C4orf50: variants seen among roughly 807,000 people sequenced by gnomAD.
C4orf50 encodes chromosome 4 open reading frame 50.
Under a neutral mutation model 77.2 loss-of-function variants are expected in C4orf50, and 80 were observed. The ratio of observed to expected loss-of-function variants is 1.04; its 90% confidence interval spans 0.87 to 1.25. The LOEUF is 1.25. Ranked by LOEUF, C4orf50 falls within the 50% of genes most tolerant of loss-of-function variation. The pLI is 0.00. For missense variants in C4orf50, 1,257 were observed against 1,152.9 expected (o/e 1.09, Z -1.31); for synonymous variants, 532 against 465.3 (o/e 1.14, Z -1.84).
rs535031125 is a variant in C4orf50, at chr4:5,999,829, A to G, written c.964-5353T>C. Among the ~76,000 whole-genome samples the G allele has an allele frequency of 5.9e-5, 9 of 152,258 alleles. No homozygotes were observed. The East Asian group carries it at 1.7e-3, about 29-fold the overall frequency. On this transcript the variant is annotated intron_variant, in intron 25 of 33. Coordinates refer to ENST00000531445, the Ensembl canonical transcript of C4orf50. ...AGAGAAAGCAACATTCCCAACAAAT[A>G]AAGAGAAAGTAGCAAGGCTTTCCAA...
chr4:5,965,617 A>AT (rs1264917186), intron 32 of C4orf50, among the ~76,000 whole-genome samples: 2 of 152,198 alleles, frequency 1.3e-5, no homozygotes. Context: ...CAGAGAGAAA[A>AT]TTAGTGACAG....
At chr4:5,946,595 G>C (rs1472336626) in intron 7 of C4orf50, among the ~76,000 whole-genome samples, 1 of 152,096 alleles carries the variant, frequency 6.6e-6, no homozygotes, top group Non-Finnish European at 1.5e-5. Flanking sequence ...TCCCTTATTT[G>C]GGAATGTTAT....
intron 33 of C4orf50, among the ~76,000 whole-genome samples, chr4:5,961,528 T>C (rs930335433): frequency 3.9e-5 from 6 of 152,204 alleles, no homozygotes; most frequent in African/African-American, 1.4e-4. Context: ...GTGCTATTAT[T>C]ATCATCCCAT....
In C4orf50 at chr4:5,985,956, G is replaced by A. The variant is rs180970729; in HGVS notation, c.3699+2391C>T. ...TGCACTCCAGCCTGGGTGACAGAGCGAGACAGCGTCTCAAAAATAAATAAA... is the reference window on the plus strand; with the variant it reads ...TGCACTCCAGCCTGGGTGACAGAGCAAGACAGCGTCTCAAAAATAAATAAA... On this transcript the variant is annotated intron_variant, in intron 28 of 33. Coordinates refer to ENST00000531445, the Ensembl canonical transcript of C4orf50. Among the ~76,000 whole-genome samples the A allele has an allele frequency of 3.4e-3, 520 of 152,232 alleles. 2 individuals are homozygous for A. The highest frequency in any genetic ancestry group is 5.4e-3 in the Non-Finnish European group (364 of 68,008).
At chr4:5,986,561 C>T (rs570040239) in intron 28 of C4orf50, among the ~76,000 whole-genome samples, 5 of 138,864 alleles carry the variant, frequency 3.6e-5, no homozygotes, top group Admixed American at 3.0e-4. Flanking sequence ...TTTTTTGAGA[C>T]AGAGTCTTGC....
chr4:6,015,270 G>C lies in C4orf50; in HGVS notation c.287+2875C>G, dbSNP rs1185770504. 6.6e-6 allele frequency among the ~76,000 whole-genome samples: 1 copy of C among 152,076 alleles called. No homozygotes were observed. Among genetic ancestry groups the C allele is most frequent in the African/African-American group, 2.4e-5 (1 of 41,386 alleles). ...AGTTGAAAGAAAGTCATGAGCGTGGGCCCAGATCCAATCCGACTGGGGTCC... is the reference window on the plus strand; with the variant it reads ...AGTTGAAAGAAAGTCATGAGCGTGGCCCCAGATCCAATCCGACTGGGGTCC... On this transcript the variant is annotated intron_variant, in intron 23 of 33. Coordinates refer to ENST00000531445, the Ensembl canonical transcript of C4orf50. This position sits in a 1 kb window ranked among gnomAD's most constrained non-coding sequence, Gnocchi z 4.4.
At chr4:6,004,232 G>A (rs1310632233) in intron 25 of C4orf50, among the ~76,000 whole-genome samples, 10 of 46,220 alleles carry the variant, frequency 2.2e-4, no homozygotes, top group East Asian at 1.4e-3. Flanking sequence ...TGATGTGATG[G>A]TGATGATGAT....
intron 25 of C4orf50, among the ~76,000 whole-genome samples, chr4:6,005,098 C>G (rs1722195960): frequency 6.6e-6 from 1 of 152,184 alleles, no homozygotes; most frequent in South Asian, 2.1e-4. Flanking sequence ...CTGGAATCCT[C>G]CATCATCTCC....
chr4:5,945,723 A>C (rs1718450920), intron 7 of C4orf50, among the ~76,000 whole-genome samples: 1 of 152,116 alleles, frequency 6.6e-6, no homozygotes, highest in Admixed American at 6.5e-5. Context: ...GCTTCTATTA[A>C]TCATTTGAAG....
intron 7 of C4orf50, among the ~76,000 whole-genome samples, chr4:5,907,461 G>T (rs1716606649): frequency 6.6e-6 from 1 of 152,270 alleles, no homozygotes; most frequent in South Asian, 2.1e-4. Flanking sequence ...TCATGTAATA[G>T]GAATTCTAAA....
chr4:5,959,478 T>C, exon 34 of C4orf50: 1 of 1,614,206 alleles, frequency 6.2e-7, no homozygotes, highest in Non-Finnish European at 8.5e-7. Flanking sequence ...GCTCAGGAGC[T>C]CAGAGGGTGC....
At chr4:5,972,920 C>T (rs1422469052) in intron 31 of C4orf50, among the ~76,000 whole-genome samples, 4 of 152,202 alleles carry the variant, frequency 2.6e-5, no homozygotes, top group African/African-American at 9.7e-5. Flanking sequence ...GTGTGCACTG[C>T]CTGTGTGACC....
chr4:6,002,306 C>G (rs1318871210), intron 25 of C4orf50, among the ~76,000 whole-genome samples: 1 of 152,210 alleles, frequency 6.6e-6, no homozygotes. Context: ...AAGGAGCAGA[C>G]TGTCCCCTAG....
intron 29 of C4orf50, among the ~76,000 whole-genome samples, chr4:5,976,891 G>C (rs1004932856): frequency 6.6e-6 from 1 of 152,228 alleles, no homozygotes; most frequent in Non-Finnish European, 1.5e-5. Flanking sequence ...CTCAGATCTG[G>C]GCTGGCCTGA....
intron 26 of C4orf50, among the ~76,000 whole-genome samples, chr4:5,994,047 A>G (rs1403762494): frequency 1.3e-5 from 2 of 151,842 alleles, no homozygotes; most frequent in Non-Finnish European, 2.9e-5. Context: ...CCTGCTGCCA[A>G]CCTGCTGGCC....
At chr4:5,922,549 A>G (rs568410070) in intron 7 of C4orf50, among the ~76,000 whole-genome samples, 40 of 152,308 alleles carry the variant, frequency 2.6e-4, no homozygotes, top group African/African-American at 9.1e-4. Flanking sequence ...GGGAAGGGGC[A>G]GGCGTGGCAT....
chr4:5,927,987 C>T (rs882219), intron 7 of C4orf50, among the ~76,000 whole-genome samples: 71,588 of 152,034 alleles, frequency 0.47, 17,426 homozygotes, highest in African/African-American at 0.56. Context: ...CAAGCTCCAC[C>T]GCACAGGAGG....
At chr4:5,989,858 C>G in exon 28 of C4orf50, 1 of 1,459,894 alleles carries the variant, frequency 6.8e-7, no homozygotes, top group Non-Finnish European at 9.0e-7. Context: ...GGCATCTCAT[C>G]CTCTTCCTCT....
At chr4:5,945,755 C>G (rs1402401364) in intron 7 of C4orf50, among the ~76,000 whole-genome samples, 1 of 152,164 alleles carries the variant, frequency 6.6e-6, no homozygotes, top group Admixed American at 6.5e-5. Flanking sequence ...TTTTCTTGAC[C>G]AGCTGGCAGG....
Sources: gnomAD v4.1 joint callset for allele counts (sites outside exome capture counted in the v4.1 genomes callset) on GRCh38, gnomAD v4.1.1 for gene constraint, Gnocchi (gnomAD v3.1) non-coding constraint, MANE v1.5 for transcripts, NCBI Gene and HGNC (gene_info 2026-07-23, HGNC 2026-07-21) for gene names.